The following AGBL4 variants were observed in gnomAD, a reference collection of about 807,000 sequenced individuals.
AGBL4 encodes the protein cytosolic carboxypeptidase 6.
Under a neutral mutation model 66.4 loss-of-function variants are expected in AGBL4, and 58 were observed. That is an observed-to-expected ratio of 0.87 (90% CI 0.71 to 1.09). AGBL4 has a LOEUF of 1.09. AGBL4 is among the 50% of genes least tolerant of loss of function. AGBL4 has a pLI of 0.00. For synonymous variants in AGBL4, 234 were observed against 222.9 expected, an observed-to-expected ratio of 1.05 and a Z score of -0.44; for missense variants, 579 against 631.0, an observed-to-expected ratio of 0.92 and a Z score of 0.88.
chr1:49,983,455 A>T (rs1659243076), intron 1 of AGBL4, among the ~76,000 whole-genome samples: 2 of 152,206 alleles, frequency 1.3e-5, no homozygotes, highest in South Asian at 4.1e-4. Flanking sequence ...TCACTTGCTC[A>T]CACACCGCTC....
At chr1:49,701,291 CAA>C (rs551650692) in intron 2 of AGBL4, among the ~76,000 whole-genome samples, 1 of 128,916 alleles carries the variant, frequency 7.8e-6, no homozygotes. Flanking sequence ...GACTCTGTCT[CAA>C]AAAAAAAAAA....
At chr1:48,547,238 G>A (rs558903071) in intron 11 of AGBL4, among the ~76,000 whole-genome samples, 1 of 152,218 alleles carries the variant, frequency 6.6e-6, no homozygotes, top group East Asian at 1.9e-4. Flanking sequence ...AGTCACTGCT[G>A]CACTAAAAGA....
chr1:49,042,377 T>A (rs1426692387), intron 5 of AGBL4, among the ~76,000 whole-genome samples: 5 of 152,152 alleles, frequency 3.3e-5, no homozygotes. Flanking sequence ...AATTCAGATA[T>A]CCTGTGGCAG....
intron 4 of AGBL4, among the ~76,000 whole-genome samples, chr1:49,210,954 G>A (rs1305471412): frequency 1.3e-5 from 2 of 152,036 alleles, no homozygotes; most frequent in Admixed American, 1.3e-4. Context: ...GGAAATAGCA[G>A]CATAATATCC....
chr1:49,205,796 T>C (rs1200302765), intron 4 of AGBL4, among the ~76,000 whole-genome samples: 2 of 152,124 alleles, frequency 1.3e-5, no homozygotes, highest in Admixed American at 6.6e-5. Flanking sequence ...ATAAATGACA[T>C]TTTGGAAAAG....
intron 6 of AGBL4, among the ~76,000 whole-genome samples, chr1:48,665,173 T>C (rs898590942): frequency 3.9e-5 from 6 of 152,200 alleles, no homozygotes; most frequent in Admixed American, 2.6e-4. Context: ...AACCAAAATA[T>C]AGTCTTGAGA....
intron 3 of AGBL4, among the ~76,000 whole-genome samples, chr1:49,355,916 T>C (rs1644010049): frequency 6.6e-6 from 1 of 152,160 alleles, no homozygotes; most frequent in African/African-American, 2.4e-5. Flanking sequence ...TTCCCAGTAC[T>C]GCCCAGAAAG....
chr1:49,068,390 C>G (rs1350979774), intron 4 of AGBL4, among the ~76,000 whole-genome samples: 1 of 150,308 alleles, frequency 6.7e-6, no homozygotes, highest in East Asian at 2.0e-4. Flanking sequence ...ATACCCCCAC[C>G]CCCCAACAGG....
At chr1:49,771,304 G>C (rs997808458) in intron 2 of AGBL4, among the ~76,000 whole-genome samples, 1 of 152,026 alleles carries the variant, frequency 6.6e-6, no homozygotes, top group Non-Finnish European at 1.5e-5. Flanking sequence ...TATTTGAAAG[G>C]TTTTCAATGG....
chr1:49,851,261 T>C (rs2148063128), intron 2 of AGBL4, 135 bp downstream of exon 2: 2 of 1,020,740 alleles, frequency 2.0e-6, no homozygotes, highest in Non-Finnish European at 2.6e-6. Flanking sequence ...CAAAATTTTT[T>C]CCCATAAAAC....
intron 4 of AGBL4, among the ~76,000 whole-genome samples, chr1:49,210,496 C>G (rs1648578487): frequency 1.3e-5 from 2 of 152,030 alleles, no homozygotes; most frequent in Non-Finnish European, 2.9e-5. Flanking sequence ...AATATGAACA[C>G]TGTGCAAATG....
intron 4 of AGBL4, among the ~76,000 whole-genome samples, chr1:49,076,447 T>C (rs1480205840): frequency 6.6e-6 from 1 of 152,234 alleles, no homozygotes; most frequent in Non-Finnish European, 1.5e-5. Context: ...CCCAATTGTA[T>C]ACATTCACTA....
chr1:48,851,969 TAAC>T (rs1337103551), intron 6 of AGBL4, among the ~76,000 whole-genome samples: 2 of 144,970 alleles, frequency 1.4e-5, no homozygotes, highest in Non-Finnish European at 3.0e-5. Flanking sequence ...GAACTTCCCA[TAAC>T]AACATGAGCA....
Position 49,107,694 on chromosome 1 carries a change from T to TGTGAGA in AGBL4, c.378-61895_378-61894insTCTCAC, listed in dbSNP as rs764451269. On this transcript the variant is annotated intron_variant, in intron 4 of 13. Coordinates refer to ENST00000371839, the MANE Select transcript of AGBL4 (RefSeq NM_032785.4). ...GTGTATGTGTGTGTGTGTGTGTGTG[T>TGTGAGA]GAGAGAGAGAGAGAGAGAGAGAGAG... Among the ~76,000 whole-genome samples the TGTGAGA allele has an allele frequency of 1.1e-3, 120 of 113,986 alleles. 1 individual carries two copies. Among genetic ancestry groups the TGTGAGA allele is most frequent in the African/African-American group, 4.2e-3 (107 of 25,484 alleles). 74.8% of individuals were successfully genotyped at this position (113,986 alleles called of 152,430 possible). A position where few individuals can be genotyped will look rare whatever the true frequency, so the allele number is the denominator to read the frequency against.
chr1:48,886,802 C>T (rs1198064311), intron 5 of AGBL4, among the ~76,000 whole-genome samples: 4 of 152,142 alleles, frequency 2.6e-5, no homozygotes, highest in African/African-American at 4.8e-5. Context: ...CCGCCCGCCT[C>T]GGCCTCCCAA....
intron 3 of AGBL4, among the ~76,000 whole-genome samples, chr1:49,424,899 G>A (rs1177346159): frequency 6.6e-6 from 1 of 152,098 alleles, no homozygotes; most frequent in Non-Finnish European, 1.5e-5. Flanking sequence ...ATGAGGCCTG[G>A]TGAGGAAATG....
chr1:49,003,213 C>T (rs751374994), intron 5 of AGBL4, among the ~76,000 whole-genome samples: 5 of 152,142 alleles, frequency 3.3e-5, no homozygotes, highest in Non-Finnish European at 7.4e-5. Context: ...CCCTGACTAA[C>T]ATGGTGAAAC....
chr1:49,992,779 T>C (rs1372733229), intron 1 of AGBL4, among the ~76,000 whole-genome samples: 1 of 152,200 alleles, frequency 6.6e-6, no homozygotes, highest in Non-Finnish European at 1.5e-5. Flanking sequence ...TACGTCATCC[T>C]ACCTTGTAGA....
Position 49,359,042 on chromosome 1 carries a change from G to A in AGBL4, c.283-113178C>T, listed in dbSNP as rs549141666. On this transcript the variant is annotated intron_variant, in intron 3 of 13. Coordinates refer to ENST00000371839, the MANE Select transcript of AGBL4 (RefSeq NM_032785.4). Reference sequence around the variant, plus strand: ...GTATTAATTTCAGCAGGCCTGCAGTGAGCACCATGTGTGCGTACATACATT... The same window carrying A: ...GTATTAATTTCAGCAGGCCTGCAGTAAGCACCATGTGTGCGTACATACATT... 1.3e-3 allele frequency among the ~76,000 whole-genome samples: 203 copies of A among 152,248 alleles called. 1 individual carries two copies. Among genetic ancestry groups the A allele is most frequent in the African/African-American group, 4.2e-3 (173 of 41,524 alleles).
Sources: gnomAD v4.1 joint callset for allele counts (sites outside exome capture counted in the v4.1 genomes callset) on GRCh38, gnomAD v4.1.1 for gene constraint, MANE v1.5 for transcripts, NCBI Gene and HGNC (gene_info 2026-07-23, HGNC 2026-07-21) for gene names.